VBP1: variants seen among roughly 807,000 people sequenced by gnomAD.
The protein encoded by VBP1 is VHL binding protein 1.
In VBP1, 4 loss-of-function variants were observed where a neutral mutation model predicts 15.5. The ratio of observed to expected loss-of-function variants is 0.26; its 90% confidence interval spans 0.13 to 0.59. The LOEUF is 0.59. Among genes scored for constraint, VBP1 ranks in the 20% least tolerant of loss-of-function variants. VBP1 has a pLI of 0.90. For synonymous variants in VBP1, 61 were observed against 52.1 expected (o/e 1.17, Z -0.74); for missense variants, 108 against 139.6 (o/e 0.77, Z 1.14).
intron 1 of VBP1, among the ~76,000 whole-genome samples, chrX:155,198,873 C>T (rs79405248): frequency 9.0e-6 from 1 of 111,366 alleles, no homozygotes; most frequent in East Asian, 2.8e-4. Context: ...AAAATTTAGA[C>T]GAATGTATAA....
intron 1 of VBP1, among the ~76,000 whole-genome samples, chrX:155,217,030 G>C (rs1182344473): frequency 8.9e-6 from 1 of 112,606 alleles, no homozygotes; most frequent in African/African-American, 3.2e-5. Context: ...AAGGAATGCA[G>C]TGGTCTCGGG....
chrX:155,230,686 CTT>C (rs1163342396), intron 4 of VBP1, among the ~76,000 whole-genome samples: 1 of 104,050 alleles, frequency 9.6e-6, no homozygotes, highest in Non-Finnish European at 2.0e-5. Context: ...TTACTTCTCT[CTT>C]TTTTTTTTTT....
chrX:155,226,018 G>A (rs145472850), intron 2 of VBP1, among the ~76,000 whole-genome samples: 2,976 of 111,716 alleles, frequency 0.027, 43 homozygotes, highest in South Asian at 0.044. Context: ...TTTATGTGAC[G>A]CAATAAGTTC....
At chrX:155,222,755 C>G (rs2074695479) in intron 2 of VBP1, among the ~76,000 whole-genome samples, 1 of 111,455 alleles carries the variant, frequency 9.0e-6, no homozygotes, top group South Asian at 3.8e-4. Context: ...TGGATGAGAA[C>G]AGTGTTTGTC....
At chrX:155,224,602 G>C (rs782496495) in intron 2 of VBP1, among the ~76,000 whole-genome samples, 1 of 111,806 alleles carries the variant, frequency 8.9e-6, no homozygotes, top group Non-Finnish European at 1.9e-5. Flanking sequence ...CAAAGAGGGC[G>C]AGGGCGAGGG....
At chrX:155,221,264 G>A (rs1255443931) in intron 2 of VBP1, among the ~76,000 whole-genome samples, 2 of 111,237 alleles carry the variant, frequency 1.8e-5, no homozygotes, top group Non-Finnish European at 3.8e-5. Flanking sequence ...CCCGGGAGGC[G>A]AAGGTTGTAG....
chrX:155,198,585 C>T (rs951442014), intron 1 of VBP1, among the ~76,000 whole-genome samples: 16 of 110,826 alleles, frequency 1.4e-4, no homozygotes, highest in African/African-American at 4.2e-4. Context: ...ACAGAAAGGA[C>T]ATCCACACCA....
Position 155,227,299 on chromosome X carries a change from A to AAAGT in VBP1, c.285+3_285+6dup. ...AATTCTAAAATACATGCAGAAGAAA[A>AAAGT]AAGTAAGTGCATTTTTGTTTGTAAA... On this transcript the variant is annotated frameshift_variant and splice_region_variant, in exon 3 of 6. Transcript: ENST00000286428. LOFTEE classifies it high-confidence loss of function. The AAAGT allele has an allele frequency of 8.6e-6, 10 of 1,163,901 alleles. No individual in the cohort carries two copies. Among genetic ancestry groups the AAAGT allele is most frequent in the Non-Finnish European group, 5.7e-6 (5 of 872,001 alleles).
chrX:155,233,462 C>A (rs2074756606), intron 4 of VBP1, among the ~76,000 whole-genome samples: 1 of 111,903 alleles, frequency 8.9e-6, no homozygotes, highest in Non-Finnish European at 1.9e-5. Context: ...AGAAAAAGTT[C>A]TCTGCTCTTA....
At chrX:155,198,004 T>C (rs782679904) in intron 1 of VBP1, among the ~76,000 whole-genome samples, 2 of 112,261 alleles carry the variant, frequency 1.8e-5, no homozygotes, top group South Asian at 7.4e-4. Context: ...ATCTCGCTGA[T>C]TGCTAGCACA....
intron 1 of VBP1, among the ~76,000 whole-genome samples, chrX:155,207,063 A>T (rs2074628805): frequency 9.0e-6 from 1 of 111,640 alleles, no homozygotes; most frequent in African/African-American, 3.3e-5. Context: ...AGTGTGGTAG[A>T]TTCCAGGTTA....
chrX:155,215,148 A>G (rs782202517), upstream of VBP1, among the ~76,000 whole-genome samples: 1 of 111,841 alleles, frequency 8.9e-6, no homozygotes, highest in South Asian at 3.7e-4. Context: ...ATAGATAGGG[A>G]TCAGTGAAGT....
intron 2 of VBP1, among the ~76,000 whole-genome samples, chrX:155,211,113 T>A (rs782688751): frequency 4.5e-5 from 5 of 111,719 alleles, no homozygotes; most frequent in Admixed American, 9.5e-5. Flanking sequence ...AATCCAGAAT[T>A]TTTTCCAATG....
chrX:155,211,499 C>A, upstream of VBP1, among the ~76,000 whole-genome samples: 1 of 112,358 alleles, frequency 8.9e-6, no homozygotes, highest in Non-Finnish European at 1.9e-5. Flanking sequence ...TATTTATAGG[C>A]TGATAGAGGC....
Position 155,236,298 on chromosome X carries a change from A to G in VBP1, c.454A>G (p.Thr152Ala). ...ALLEKNLSTA[T>A]KNLDSLEEDL... ...GTTGGAAAAGAATTTATCGACTGCC[A>G]CAAAGAATCTTGATTCCCTGGAGGA... Residue 152 changes from threonine to alanine, a missense_variant, in exon 5 of 6, where the codon ACA (threonine) becomes GCA (alanine). Thr to Ala is a moderately conservative substitution (Grantham distance 58). Transcript: ENST00000286428. 3.3e-6 allele frequency: 4 copies of G among 1,211,797 alleles called. No individual in the cohort carries two copies. The highest frequency in any genetic ancestry group is 3.5e-5 in the South Asian group (2 of 56,988).
chrX:155,237,427 T>C (rs782067708), intron 5 of VBP1, among the ~76,000 whole-genome samples: 1 of 112,096 alleles, frequency 8.9e-6, no homozygotes, highest in African/African-American at 3.2e-5. Context: ...TCCTTCCCAC[T>C]ATCTCTAGTA....
At chrX:155,214,212 A>C (rs2074653918), upstream of VBP1, among the ~76,000 whole-genome samples, 1 of 112,554 alleles carries the variant, frequency 8.9e-6, no homozygotes, top group Non-Finnish European at 1.9e-5. Flanking sequence ...ATAATTGTTG[A>C]ATTACTTTTT....
intron 1 of VBP1, among the ~76,000 whole-genome samples, chrX:155,208,538 GA>G (rs2074633678): frequency 8.9e-6 from 1 of 111,923 alleles, no homozygotes; most frequent in South Asian, 3.7e-4. Flanking sequence ...TTTTTCCTAT[GA>G]GTATTATTGG....
rs1242310180 is a variant in VBP1, at chrX:155,220,446, C to T, written c.218+139C>T. On this transcript the variant is annotated intron_variant, in intron 2 of 5. Coordinates refer to ENST00000286428, the MANE Select transcript of VBP1 (RefSeq NM_003372.7). ...AGGTGGCTGTACCATATGAAATTCC[C>T]ACCAGCAACGTACAAGAGTTCCAGT... 6.4e-6 allele frequency: 3 copies of T among 470,808 alleles called. No homozygotes were observed. The African/African-American group carries it at 7.6e-5, about 12-fold the overall frequency. 38.8% of individuals were successfully genotyped at this position (470,808 alleles called of 1,213,427 possible). A position where few individuals can be genotyped will look rare whatever the true frequency, so the allele number is the denominator to read the frequency against.
Sources: allele counts gnomAD v4.1 joint callset (sites outside exome capture counted in the v4.1 genomes callset), GRCh38; gene constraint gnomAD v4.1.1; transcripts MANE v1.5; gene names NCBI Gene and HGNC (gene_info 2026-07-23, HGNC 2026-07-21).